TF: variants seen among roughly 807,000 people sequenced by gnomAD.
TF encodes the protein serotransferrin.
Under a neutral mutation model 82.4 loss-of-function variants are expected in TF, and 55 were observed. That is an observed-to-expected ratio of 0.67 (90% confidence interval 0.54 to 0.84). The LOEUF is 0.84. Among genes scored for constraint, TF ranks in the 40% least tolerant of loss-of-function variants. TF has a pLI of 0.00. For synonymous variants in TF, 332 were observed against 332.6 expected (o/e 1.00, Z 0.02); for missense variants, 737 against 868.4 (o/e 0.85, Z 1.90).
At chr3:133,712,505 C>CT in the TF span, among the ~76,000 whole-genome samples, 8,181 of 149,678 alleles carry the variant, frequency 0.055, 495 homozygotes, top group African/African-American at 0.15. Context: ...CAGCTGGAAC[C>CT]TTTTTTTTTT....
the TF span, among the ~76,000 whole-genome samples, chr3:133,709,325 T>C: frequency 6.6e-6 from 1 of 152,264 alleles, no homozygotes; most frequent in African/African-American, 2.4e-5. Flanking sequence ...TTTCCATATT[T>C]CCAGCCAGAA....
chr3:133,678,130 G>T, the TF span, among the ~76,000 whole-genome samples: 2 of 152,126 alleles, frequency 1.3e-5, no homozygotes, highest in African/African-American at 4.8e-5. Flanking sequence ...CTGTTCCTGT[G>T]TTATTTTGCT....
chr3:133,764,850 T>A (rs1237916533), intron 10 of TF, 25 bp from the exon 11 acceptor site: 1 of 1,612,048 alleles, frequency 6.2e-7, no homozygotes, highest in African/African-American at 1.3e-5. Context: ...GTTTAATGCC[T>A]TTTTCATTTT....
chr3:133,681,649 G>C, the TF span, among the ~76,000 whole-genome samples: 1 of 152,184 alleles, frequency 6.6e-6, no homozygotes, highest in Admixed American at 6.5e-5. Flanking sequence ...AGTGAGGCTG[G>C]GGGAGGGGCG....
At chr3:133,668,461 C>G in the TF span, among the ~76,000 whole-genome samples, 1 of 152,120 alleles carries the variant, frequency 6.6e-6, no homozygotes, top group Non-Finnish European at 1.5e-5. Flanking sequence ...AGTGCCTGCC[C>G]AACTTCAAAA....
At chr3:133,685,793 C>A in the TF span, among the ~76,000 whole-genome samples, 1 of 152,244 alleles carries the variant, frequency 6.6e-6, no homozygotes, top group East Asian at 1.9e-4. Flanking sequence ...TTTATAGATT[C>A]AATGCTATCC....
At chr3:133,674,742 C>T in the TF span, among the ~76,000 whole-genome samples, 1 of 152,088 alleles carries the variant, frequency 6.6e-6, no homozygotes, top group Non-Finnish European at 1.5e-5. Flanking sequence ...CGGGACCCTG[C>T]GCGACAACCG....
the TF span, among the ~76,000 whole-genome samples, chr3:133,735,085 G>C: frequency 6.6e-6 from 1 of 152,136 alleles, no homozygotes; most frequent in Non-Finnish European, 1.5e-5. Flanking sequence ...AAATTGTGCT[G>C]TTGTCCCAGC....
Position 133,787,376 on chromosome 3 carries a change from G to C in TF, c.*8756G>C, listed in dbSNP as rs976868312. The C allele has an allele frequency of 2.0e-5, 3 of 152,118 alleles. No individual in the cohort carries two copies. Among genetic ancestry groups the C allele is most frequent in the African/African-American group, 7.2e-5 (3 of 41,428 alleles). 9.4% of individuals were successfully genotyped at this position (152,118 alleles called of 1,614,324 possible). The stretch of plus-strand genomic sequence containing the variant: ...AAGACAGAGAGAAGGGAGTGAGGAA[G>C]GACTGGTTCAAGGTCAAAATTGTCA... On this transcript the variant is annotated 3_prime_UTR_variant, in exon 17 of 17. Transcript: ENST00000402696.
Position 133,754,654 on chromosome 3 carries a change from G to A in TF, c.485G>A (p.Arg162His), listed in dbSNP as rs371174384. 31 of 1,614,170 alleles carry A rather than the reference G, an allele frequency of 1.9e-5. No homozygotes were observed. The highest frequency in any genetic ancestry group is 5.0e-5 in the Admixed American group (3 of 60,032). The change falls in exon 4 of 17, where the codon CGT becomes CAT. Residue 162 changes from arginine (R) to histidine (H), a missense_variant. By Grantham distance (29) the Arg-to-His change is conservative. Transcript: ENST00000402696. ...GLLYCDLPEP[R>H]KPLEKAVANF... is the part of the protein sequence containing the mutation. Reference sequence around the variant, plus strand: ...CTTTACTGTGACTTACCTGAGCCACGTAAACCTCTTGAGAAAGGTAAGCTG... The same window carrying A: ...CTTTACTGTGACTTACCTGAGCCACATAAACCTCTTGAGAAAGGTAAGCTG...
At chr3:133,735,819 C>T in the TF span, among the ~76,000 whole-genome samples, 4 of 152,094 alleles carry the variant, frequency 2.6e-5, no homozygotes, top group African/African-American at 9.7e-5. Flanking sequence ...AAAGACCAAA[C>T]CTACATTTGA....
rs1006576025 is a variant in TF at position 133,793,926 on chromosome 3, A to G, written c.*15306A>G. 1 of 152,206 alleles carries G rather than the reference A, an allele frequency of 6.6e-6. No individual in the cohort carries two copies. The highest frequency in any genetic ancestry group is 2.4e-5 in the African/African-American group (1 of 41,456). The allele number at this position is 152,206 out of a possible 1,614,324, so 9.4% of individuals were successfully genotyped here. On this transcript the variant is annotated 3_prime_UTR_variant, in exon 17 of 17. Transcript: ENST00000402696. ...GACTGAGTTCTAAAACTGCTAACCC[A>G]AGTAGAACAAAAATTAATTAAATAC...
chr3:133,748,648 T>G (rs1301442098), intron 2 of TF, 64 bp downstream of exon 2: 19 of 1,587,610 alleles, frequency 1.2e-5, no homozygotes, highest in Non-Finnish European at 1.5e-5. Context: ...CCAGTCACTT[T>G]GGAACAATTC....
At position 133,778,834 on chromosome 3, in the gene TF, T is replaced by C. The variant is rs1490040368; in HGVS notation, c.*214T>C. 6.3e-6 allele frequency: 3 copies of C among 477,906 alleles called. No homozygotes were observed. Among genetic ancestry groups the C allele is most frequent in the Non-Finnish European group, 1.1e-5 (3 of 265,486 alleles). The allele number at this position is 477,906 out of a possible 1,614,324, so 29.6% of individuals were successfully genotyped here. A position where few individuals can be genotyped will look rare whatever the true frequency, so the allele number is the denominator to read the frequency against. On this transcript the variant is annotated 3_prime_UTR_variant, in exon 17 of 17. Transcript: ENST00000402696. Reference sequence around the variant, plus strand: ...CTAAATATTTTCAACAAAGGATTTCTTTATGCATTCTGCCTAAATACCTAT... The same window carrying C: ...CTAAATATTTTCAACAAAGGATTTCCTTATGCATTCTGCCTAAATACCTAT...
chr3:133,735,633 C>T, the TF span, among the ~76,000 whole-genome samples: 1 of 152,074 alleles, frequency 6.6e-6, no homozygotes, highest in Non-Finnish European at 1.5e-5. Context: ...AGCTGAAAAA[C>T]AGCACGAGAA....
the TF span, among the ~76,000 whole-genome samples, chr3:133,726,478 G>T: frequency 6.6e-6 from 1 of 152,168 alleles, no homozygotes; most frequent in Non-Finnish European, 1.5e-5. Context: ...ATGGTAGTTT[G>T]TATTTCTGTG....
the TF span, among the ~76,000 whole-genome samples, chr3:133,693,136 G>A: frequency 6.6e-6 from 1 of 152,252 alleles, no homozygotes; most frequent in Admixed American, 6.5e-5. Flanking sequence ...TCTTCTCTGA[G>A]GAAAGGTGTC....
the TF span, among the ~76,000 whole-genome samples, chr3:133,673,949 G>C: frequency 6.6e-6 from 1 of 152,216 alleles, no homozygotes; most frequent in African/African-American, 2.4e-5. Context: ...TCTGGGTTCA[G>C]CGCTTCACCT....
chr3:133,753,060 A>C (rs1455760864), intron 2 of TF, among the ~76,000 whole-genome samples: 18 of 151,548 alleles, frequency 1.2e-4, no homozygotes, highest in Non-Finnish European at 2.4e-4. Flanking sequence ...CTTCCCCCAG[A>C]AAAAAAATCT....
Sources: gnomAD v4.1 joint callset for allele counts (sites outside exome capture counted in the v4.1 genomes callset) on GRCh38, gnomAD v4.1.1 for gene constraint, MANE v1.5 for transcripts, NCBI Gene and HGNC (gene_info 2026-07-23, HGNC 2026-07-21) for gene names.